The following SKAP2 variants were observed in gnomAD, a reference collection of about 807,000 sequenced individuals.
SKAP2 encodes src kinase associated phosphoprotein 2, also known as src kinase-associated phosphoprotein 2.
Under a neutral mutation model 54.9 loss-of-function variants are expected in SKAP2, and 28 were observed. That is an observed-to-expected ratio of 0.51 (90% CI 0.38 to 0.70). The LOEUF (loss-of-function observed/expected upper bound fraction) is 0.70, where lower values mean the gene tolerates loss of function less well. SKAP2 is among the 30% of genes least tolerant of loss of function. The probability of loss-of-function intolerance (pLI) is 0.00; values close to 1 mark genes in which losing one functional copy is unlikely to be tolerated. For missense variants in SKAP2, 356 were observed against 424.1 expected (o/e 0.84, Z 1.41); for synonymous variants, 137 against 134.3 (o/e 1.02, Z -0.14).
rs537315734 is a variant in SKAP2, at chr7:26,688,848, G to A, written c.874+1437C>T. 2.0e-5 allele frequency among the ~76,000 whole-genome samples: 3 copies of A among 152,170 alleles called. No homozygotes were observed. The South Asian group carries it at 6.2e-4, about 32-fold the overall frequency. On this transcript the variant is annotated intron_variant, in intron 10 of 12. Coordinates refer to ENST00000345317, the MANE Select transcript of SKAP2 (RefSeq NM_003930.5). ...CTGTATGTATCCACTTTCTATACCT[G>A]CACTGAAATTTTCTTAAAAAGAAAA...
intron 4 of SKAP2, among the ~76,000 whole-genome samples, chr7:26,822,815 G>A (rs1247194002): frequency 2.0e-5 from 3 of 151,592 alleles, no homozygotes; most frequent in South Asian, 4.2e-4. Context: ...CCCAGGAGGC[G>A]GGGCTTGCAG....
intron 9 of SKAP2, among the ~76,000 whole-genome samples, chr7:26,703,639 A>ATGG: frequency 6.6e-6 from 1 of 152,356 alleles, no homozygotes; most frequent in African/African-American, 2.4e-5. Context: ...CAACAGAACT[A>ATGG]TAAAATCTGC....
the SKAP2 span, among the ~76,000 whole-genome samples, chr7:26,655,471 A>C: frequency 4.6e-5 from 7 of 152,202 alleles, no homozygotes; most frequent in African/African-American, 1.7e-4. Context: ...TGTATGATGA[A>C]AAAAATAAAT....
chr7:26,748,460 C>A (rs974359442), intron 4 of SKAP2, among the ~76,000 whole-genome samples: 1 of 152,000 alleles, frequency 6.6e-6, no homozygotes, highest in South Asian at 2.1e-4. Context: ...TAATATAGGG[C>A]ACCCTCTGTG....
chr7:26,810,736 C>T (rs1033105021), intron 4 of SKAP2, among the ~76,000 whole-genome samples: 2 of 152,042 alleles, frequency 1.3e-5, no homozygotes, highest in African/African-American at 4.8e-5. Context: ...GGCTGGAGTC[C>T]AGTGGTGCGA....
chr7:26,703,498 T>C (rs748802473), intron 9 of SKAP2, among the ~76,000 whole-genome samples: 12 of 152,188 alleles, frequency 7.9e-5, no homozygotes, highest in Non-Finnish European at 1.6e-4. Flanking sequence ...TATATGCATT[T>C]GAAAGATACA....
chr7:26,789,350 T>A (rs113946323), intron 4 of SKAP2, among the ~76,000 whole-genome samples: 1 of 152,178 alleles, frequency 6.6e-6, no homozygotes, highest in African/African-American at 2.4e-5. Flanking sequence ...TTAAAGGAAG[T>A]TGAGGCCCAA....
chr7:26,793,657 C>A (rs146711815), intron 4 of SKAP2, among the ~76,000 whole-genome samples: 176 of 152,310 alleles, frequency 1.2e-3, no homozygotes, highest in Admixed American at 3.5e-3. Context: ...GCACCACCAA[C>A]AGGCTGTATG....
chr7:26,816,281 C>T (rs1784264370), intron 4 of SKAP2, among the ~76,000 whole-genome samples: 1 of 152,086 alleles, frequency 6.6e-6, no homozygotes, highest in East Asian at 1.9e-4. Context: ...ATCAATTTTA[C>T]TCATACTTTT....
At chr7:26,752,594 T>C (rs760356879) in intron 4 of SKAP2, among the ~76,000 whole-genome samples, 19 of 152,182 alleles carry the variant, frequency 1.2e-4, no homozygotes, top group Non-Finnish European at 2.5e-4. Flanking sequence ...ATCAGACTTC[T>C]GGTAAATATT....
intron 4 of SKAP2, among the ~76,000 whole-genome samples, chr7:26,799,986 T>C (rs6461974): frequency 0.3 from 45,077 of 150,640 alleles, 7,013 homozygotes; most frequent in Middle Eastern, 0.37. Flanking sequence ...TAGCCATTTG[T>C]GGTGGGGGGT....
intron 11 of SKAP2, among the ~76,000 whole-genome samples, chr7:26,676,998 A>G (rs1360778581): frequency 2.0e-5 from 3 of 152,242 alleles, no homozygotes; most frequent in Admixed American, 6.5e-5. Context: ...GTACAGGCGA[A>G]GATAAGGGAA....
intron 4 of SKAP2, among the ~76,000 whole-genome samples, chr7:26,748,480 T>C (rs1782605165): frequency 6.6e-6 from 1 of 152,116 alleles, no homozygotes; most frequent in African/African-American, 2.4e-5. Context: ...GTTTTTCTAT[T>C]TTAGTAAAGG....
At chr7:26,665,611 T>G (rs1274289449), downstream of SKAP2, among the ~76,000 whole-genome samples, 2 of 152,164 alleles carry the variant, frequency 1.3e-5, no homozygotes, top group Non-Finnish European at 2.9e-5. Flanking sequence ...GTAGAACAGA[T>G]TCTACTAGCA....
At chr7:26,805,478 C>T (rs1205846337) in intron 4 of SKAP2, among the ~76,000 whole-genome samples, 2 of 152,134 alleles carry the variant, frequency 1.3e-5, no homozygotes, top group African/African-American at 4.8e-5. Context: ...TAAAGTGATG[C>T]TATGTGACAT....
chr7:26,849,297 A>G (rs1196719067), intron 3 of SKAP2, among the ~76,000 whole-genome samples: 1 of 151,480 alleles, frequency 6.6e-6, no homozygotes, highest in Admixed American at 6.6e-5. Context: ...GGCAAAATCT[A>G]TTTTTTTTTA....
intron 9 of SKAP2, among the ~76,000 whole-genome samples, chr7:26,701,463 T>A (rs1418232121): frequency 2.6e-5 from 4 of 152,208 alleles, no homozygotes; most frequent in Non-Finnish European, 5.9e-5. Context: ...CTGGGCGCAG[T>A]GGCTCACACC....
chr7:26,688,376 C>T (rs1786696482), intron 10 of SKAP2, among the ~76,000 whole-genome samples: 1 of 152,064 alleles, frequency 6.6e-6, no homozygotes, highest in Non-Finnish European at 1.5e-5. Context: ...TTTTTGCTTA[C>T]ATACTTTACA....
At chr7:26,837,227 C>T (rs1388310658) in intron 4 of SKAP2, among the ~76,000 whole-genome samples, 1 of 152,098 alleles carries the variant, frequency 6.6e-6, no homozygotes, top group East Asian at 1.9e-4. Flanking sequence ...GGAGAAATAC[C>T]TAATGTAGAT....
Sources: allele counts gnomAD v4.1 joint callset (sites outside exome capture counted in the v4.1 genomes callset), GRCh38; gene constraint gnomAD v4.1.1; transcripts MANE v1.5; gene names NCBI Gene and HGNC (gene_info 2026-07-23, HGNC 2026-07-21).